Variants in SPAG16 observed in about 807,000 individuals in gnomAD.
SPAG16 encodes the protein sperm associated antigen 16, also known as sperm-associated antigen 16 protein.
SPAG16 carries 86 observed loss-of-function variants against 80.4 expected under a neutral mutation model. The observed-to-expected ratio is 1.07, with a 90% CI of 0.90 to 1.28. The LOEUF (loss-of-function observed/expected upper bound fraction) is 1.28, where lower values mean the gene tolerates loss of function less well. Ranked by LOEUF, SPAG16 falls within the 50% of genes most tolerant of loss-of-function variation. SPAG16 has a pLI of 0.00. For missense variants in SPAG16, 870 were observed against 765.3 expected, an observed-to-expected ratio of 1.14 and a Z score of -1.61; for synonymous variants, 294 against 265.9, an observed-to-expected ratio of 1.11 and a Z score of -1.03.
intron 15 of SPAG16, among the ~76,000 whole-genome samples, chr2:214,363,818 G>A (rs1365888472): frequency 2.6e-5 from 4 of 152,046 alleles, no homozygotes; most frequent in Non-Finnish European, 5.9e-5. Flanking sequence ...GTATCCTTGG[G>A]CAAGCAACTT....
chr2:214,091,322 G>GGAAA (rs1223070379), intron 13 of SPAG16, among the ~76,000 whole-genome samples: 5 of 152,068 alleles, frequency 3.3e-5, no homozygotes, highest in Admixed American at 2.0e-4. Flanking sequence ...TTTTGCAGAT[G>GGAAA]GAAACACTGA....
At chr2:213,460,392 T>G (rs572302576) in intron 9 of SPAG16, among the ~76,000 whole-genome samples, 2 of 152,170 alleles carry the variant, frequency 1.3e-5, no homozygotes, top group African/African-American at 4.8e-5. Context: ...TCAAGATATA[T>G]CCATACCAGG....
intron 15 of SPAG16, among the ~76,000 whole-genome samples, chr2:214,304,915 T>C (rs1175612101): frequency 6.6e-6 from 1 of 152,190 alleles, no homozygotes; most frequent in East Asian, 1.9e-4. Flanking sequence ...CTTGGTCAAA[T>C]GGTATTTCTT....
At chr2:213,972,958 C>A (rs1240726283) in intron 12 of SPAG16, among the ~76,000 whole-genome samples, 2 of 151,944 alleles carry the variant, frequency 1.3e-5, no homozygotes, top group Non-Finnish European at 2.9e-5. Flanking sequence ...TATAGATTTT[C>A]TTGAATTCCA....
At chr2:213,905,058 A>G (rs1158219289) in intron 11 of SPAG16, among the ~76,000 whole-genome samples, 1 of 152,192 alleles carries the variant, frequency 6.6e-6, no homozygotes, top group Non-Finnish European at 1.5e-5. Context: ...TACTTGTACA[A>G]TTCAGATTTA....
intron 13 of SPAG16, among the ~76,000 whole-genome samples, chr2:214,098,301 G>C (rs1355473581): frequency 6.6e-6 from 1 of 151,984 alleles, no homozygotes; most frequent in Non-Finnish European, 1.5e-5. Flanking sequence ...CTTTGCAAGG[G>C]GTTGAATTGT....
Position 213,880,010 on chromosome 2 carries a change from T to C in SPAG16, c.1214+17382T>C, listed in dbSNP as rs147760651. On this transcript the variant is annotated intron_variant, in intron 11 of 15. Coordinates refer to ENST00000331683, the MANE Select transcript of SPAG16 (RefSeq NM_024532.5). ...TTTGGGTATATACCCAGTAATAAGA[T>C]AGCTAGGTCAAATGGTAGCTCTGTT... Among the ~76,000 whole-genome samples the C allele has an allele frequency of 2.2e-3, 337 of 152,328 alleles. 2 individuals are homozygous for C. Among genetic ancestry groups the C allele is most frequent in the African/African-American group, 7.8e-3 (323 of 41,582 alleles).
intron 15 of SPAG16, among the ~76,000 whole-genome samples, chr2:214,366,473 G>A (rs1025780084): frequency 5.3e-5 from 8 of 152,098 alleles, no homozygotes; most frequent in African/African-American, 1.4e-4. Flanking sequence ...ATTACTCAAC[G>A]CAGTGTAAAG....
rs1277588730 is a variant in SPAG16 at position 213,642,958 on chromosome 2, C to CCTTGCT, written c.1070+152870_1070+152875dup. ...CAGTTTTGGAACTCAGACTGGCTTT[C>CCTTGCT]CTTGCTCCTCAGCCTGCAGATGGCT... On this transcript the variant is annotated intron_variant, in intron 10 of 15. Coordinates refer to ENST00000331683, the MANE Select transcript of SPAG16 (RefSeq NM_024532.5). 5.9e-5 allele frequency among the ~76,000 whole-genome samples: 9 copies of CCTTGCT among 151,352 alleles called. No individual in the cohort carries two copies. In the East Asian group the frequency reaches 1.8e-3, roughly 30 times the overall value.
chr2:214,279,183 G>A (rs1053119199), intron 15 of SPAG16, among the ~76,000 whole-genome samples: 17 of 146,976 alleles, frequency 1.2e-4, no homozygotes, highest in African/African-American at 3.8e-4. Flanking sequence ...TGCAACCTCC[G>A]CCTGCCGGGT....
chr2:214,346,215 G>A (rs1267142378), intron 15 of SPAG16, among the ~76,000 whole-genome samples: 1 of 152,118 alleles, frequency 6.6e-6, no homozygotes, highest in Admixed American at 6.5e-5. Context: ...ACCCTTCCAG[G>A]GAGCGTGTTG....
chr2:213,474,993 G>T (rs1192856612), intron 9 of SPAG16, among the ~76,000 whole-genome samples: 1 of 152,130 alleles, frequency 6.6e-6, no homozygotes, highest in Non-Finnish European at 1.5e-5. Context: ...CCCATTTAGG[G>T]TCCTCCAATG....
chr2:213,672,896 T>C (rs2063874998), intron 10 of SPAG16, among the ~76,000 whole-genome samples: 2 of 150,236 alleles, frequency 1.3e-5, no homozygotes, highest in Non-Finnish European at 3.0e-5. Context: ...TCTTGCACTG[T>C]TGCTTAGGCT....
intron 11 of SPAG16, 43 bp from the exon 12 acceptor site, chr2:213,929,917 G>C: frequency 6.4e-7 from 1 of 1,557,736 alleles, no homozygotes; most frequent in East Asian, 2.3e-5. Flanking sequence ...TAAAAATTAT[G>C]TTACTTTTTA....
rs528510449 is a variant in SPAG16 at position 213,286,532 on chromosome 2, G to T, written c.136+1913G>T. ...GTTTCTTAAGGCAATTATGATAGTT[G>T]CCAAAGTGAGACTTCCTTTGGTTTA... On this transcript the variant is annotated intron_variant, in intron 1 of 15. Coordinates refer to ENST00000331683, the MANE Select transcript of SPAG16 (RefSeq NM_024532.5). 3.3e-5 allele frequency among the ~76,000 whole-genome samples: 5 copies of T among 152,286 alleles called. No individual in the cohort carries two copies. In the East Asian group the frequency reaches 7.7e-4, roughly 23 times the overall value.
At chr2:213,393,924 C>T (rs2067903745) in intron 9 of SPAG16, among the ~76,000 whole-genome samples, 1 of 151,768 alleles carries the variant, frequency 6.6e-6, no homozygotes, top group Admixed American at 6.6e-5. Context: ...AATTTTTTTC[C>T]ATTAGATTGT....
chr2:213,925,306 C>T (rs544952680), intron 11 of SPAG16, among the ~76,000 whole-genome samples: 1 of 151,504 alleles, frequency 6.6e-6, no homozygotes, highest in African/African-American at 2.4e-5. Context: ...TAGGAGAGGA[C>T]TGCTTTGTTT....
intron 12 of SPAG16, among the ~76,000 whole-genome samples, chr2:213,990,950 C>G (rs890770627): frequency 6.6e-6 from 1 of 152,122 alleles, no homozygotes; most frequent in Non-Finnish European, 1.5e-5. Flanking sequence ...ACAGGGATGG[C>G]AGCAGGTATA....
intron 13 of SPAG16, among the ~76,000 whole-genome samples, chr2:214,042,007 T>TATATATATACAC (rs1371293247): frequency 1.5e-3 from 154 of 101,206 alleles, no homozygotes; most frequent in South Asian, 0.014. Context: ...TATATATATA[T>TATATATATACAC]ACACACACAC....
Sources: gnomAD v4.1 joint callset for allele counts (sites outside exome capture counted in the v4.1 genomes callset) on GRCh38, gnomAD v4.1.1 for gene constraint, MANE v1.5 for transcripts, NCBI Gene and HGNC (gene_info 2026-07-23, HGNC 2026-07-21) for gene names.